Variants in IQCE observed in about 807,000 individuals in gnomAD.
The protein encoded by IQCE is IQ domain-containing protein E.
Under a neutral mutation model 96.0 loss-of-function variants are expected in IQCE, and 115 were observed. That is an observed-to-expected ratio of 1.20 (90% CI 1.03 to 1.40). The LOEUF is 1.40. Ranked by LOEUF, IQCE falls within the 40% of genes most tolerant of loss-of-function variation. The probability of loss-of-function intolerance (pLI) is 0.00; values close to 1 mark genes in which losing one functional copy is unlikely to be tolerated. For synonymous variants in IQCE, 412 were observed against 371.2 expected (o/e 1.11, Z -1.26); for missense variants, 1,041 against 909.1 (o/e 1.15, Z -1.87).
chr7:2,563,799 C>CTG (rs1781152602), intron 1 of IQCE, among the ~76,000 whole-genome samples: 1 of 143,404 alleles, frequency 7.0e-6, no homozygotes, highest in South Asian at 2.1e-4. Flanking sequence ...GAGGCTGAGG[C>CTG]AGGAGAATGG....
At chr7:2,583,941 ACCGAGCTGGGCGGCGGGGCG>A (rs1782893092) in intron 10 of IQCE, among the ~76,000 whole-genome samples, 5 of 19,728 alleles carry the variant, frequency 2.5e-4, no homozygotes, top group Middle Eastern at 0.019. Context: ...CGGGGCGGGC[ACCGAGCTGGGCGGCGGGGCG>A]GAGGGCGGGC....
intron 19 of IQCE, among the ~76,000 whole-genome samples, chr7:2,605,405 G>A (rs1218816963): frequency 3.3e-5 from 5 of 152,190 alleles, no homozygotes; most frequent in African/African-American, 1.2e-4. Context: ...TGGATCACAA[G>A]GTCAGGAGAT....
In IQCE at chr7:2,574,024, C is replaced by A. The variant is rs527982241; in HGVS notation, c.465+536C>A. Among the ~76,000 whole-genome samples the A allele has an allele frequency of 2.6e-5, 4 of 152,244 alleles. No individual in the cohort carries two copies. In the South Asian group the frequency reaches 8.3e-4, roughly 32 times the overall value. ...ACCAAGATTCAAGGTCACCTGCCTC[C>A]CAAGGCCAAGACTCTGTACTTCCCC... On this transcript the variant is annotated intron_variant, in intron 6 of 21. Coordinates refer to ENST00000402050, the MANE Select transcript of IQCE (RefSeq NM_152558.5).
In IQCE at chr7:2,593,259, C is replaced by G. The variant is rs141931932; in HGVS notation, c.1349+133C>G. The G allele has an allele frequency of 3.1e-5, 43 of 1,368,858 alleles. No homozygotes were observed. In the African/African-American group the frequency reaches 4.3e-4, roughly 14 times the overall value. 84.8% of individuals were successfully genotyped at this position (1,368,858 alleles called of 1,614,324 possible). A position where few individuals can be genotyped will look rare whatever the true frequency, so the allele number is the denominator to read the frequency against. ...AAGGCCACACCTCCTCACAGTCTTT[C>G]ATGGTTTTCTGTCACCCAGCCCGGG... On this transcript the variant is annotated intron_variant, in intron 15 of 21. Transcript: ENST00000402050.
intron 14 of IQCE, among the ~76,000 whole-genome samples, chr7:2,590,895 G>T (rs79269170): frequency 0.016 from 2,434 of 152,262 alleles, 60 homozygotes; most frequent in African/African-American, 0.054. Flanking sequence ...ATTTTATGCA[G>T]CATGGTCTTA....
intron 20 of IQCE, among the ~76,000 whole-genome samples, chr7:2,606,676 C>G (rs1228794031): frequency 3.3e-5 from 5 of 152,212 alleles, no homozygotes; most frequent in Non-Finnish European, 7.3e-5. Context: ...AAGGCCGCAT[C>G]TGCATCTCAT....
chr7:2,564,506 G>C (rs151116995), intron 1 of IQCE, among the ~76,000 whole-genome samples: 1,590 of 152,114 alleles, frequency 0.01, 19 homozygotes, highest in African/African-American at 0.036. Context: ...GCTGAGGCAG[G>C]AGAATCGCTT....
intron 12 of IQCE, 46 bp downstream of exon 12, chr7:2,586,417 GGGAATGGCA>G: frequency 6.4e-7 from 1 of 1,554,450 alleles, no homozygotes; most frequent in Non-Finnish European, 8.8e-7. Flanking sequence ...GGGAATGGCA[GGGAATGGCA>G]GGGCATGGCC....
intron 21 of IQCE, among the ~76,000 whole-genome samples, chr7:2,609,057 C>G (rs1446574391): frequency 6.6e-6 from 1 of 152,230 alleles, no homozygotes; most frequent in Non-Finnish European, 1.5e-5. Flanking sequence ...CAGCGACACT[C>G]AGGCTCCCCG....
chr7:2,573,108 A>C (rs1466432095), intron 5 of IQCE, among the ~76,000 whole-genome samples: 1 of 152,182 alleles, frequency 6.6e-6, no homozygotes, highest in Non-Finnish European at 1.5e-5. Flanking sequence ...TTTGCTATTT[A>C]AATCTGAACA....
intron 6 of IQCE, among the ~76,000 whole-genome samples, chr7:2,575,413 G>A (rs1174660473): frequency 6.6e-6 from 1 of 152,214 alleles, no homozygotes; most frequent in Non-Finnish European, 1.5e-5. Context: ...TGCTGACACC[G>A]CCCTAGCTGG....
intron 8 of IQCE, among the ~76,000 whole-genome samples, chr7:2,579,494 A>G (rs1562639855): frequency 6.6e-6 from 1 of 152,246 alleles, no homozygotes; most frequent in African/African-American, 2.4e-5. Context: ...AAAAAAAACT[A>G]TAAATCTCTA....
chr7:2,586,323 G>T lies in IQCE; in HGVS notation c.940G>T (p.Asp314Tyr). The T allele has an allele frequency of 6.2e-7, 1 of 1,613,920 alleles. No homozygotes were observed. The highest frequency in any genetic ancestry group is 2.2e-5 in the East Asian group (1 of 44,888). Residue 314 changes from aspartate to tyrosine, a missense_variant, in exon 12 of 22, where the codon GAC becomes TAC. Coordinates refer to ENST00000402050, the MANE Select transcript of IQCE (RefSeq NM_152558.5). The part of the protein sequence containing the change: ...LTEENQSLKE[D>Y]LDRVLSTSPT... ...GGAAGAGAACCAGAGCCTGAAGGAG[G>T]ACCTGGACCGCGTGCTGAGCACCTC...
chr7:2,571,176 A>G (rs1781726572), intron 3 of IQCE, among the ~76,000 whole-genome samples: 3 of 151,882 alleles, frequency 2.0e-5, no homozygotes. Context: ...GAGCCACCAC[A>G]CCCAGCTAAT....
chr7:2,607,616 A>T (rs748981810), intron 21 of IQCE: 66 of 1,076,502 alleles, frequency 6.1e-5, no homozygotes, highest in Non-Finnish European at 7.3e-5. Flanking sequence ...GCACTGCAGG[A>T]TGCCACACCC....
chr7:2,595,421 G>C (rs112001001), intron 16 of IQCE, among the ~76,000 whole-genome samples: 3,040 of 152,268 alleles, frequency 0.02, 89 homozygotes, highest in African/African-American at 0.067. Flanking sequence ...GTGGGGTGGG[G>C]CTTCCTGTGC....
chr7:2,586,258 G>C lies in IQCE; in HGVS notation c.875G>C (p.Ser292Thr), dbSNP rs758125778. 6.2e-7 allele frequency: 1 copy of C among 1,614,034 alleles called. No homozygotes were observed. Among genetic ancestry groups the C allele is most frequent in the Non-Finnish European group, 8.5e-7 (1 of 1,179,954 alleles). Residue 292 changes from serine (S) to threonine (T), a missense_variant, in exon 12 of 22, where the codon AGT (serine) becomes ACT (threonine). Physicochemically the swap from Ser to Thr is moderately conservative, Grantham distance 58. Transcript: ENST00000402050. ...TGAKRQKKMG[S>T]ALLSLSRSVQ... is the part of the protein sequence containing the mutation. The stretch of plus-strand genomic sequence containing the variant: ...GCCAAAAGGCAGAAGAAGATGGGCA[G>C]TGCCCTCCTGAGCTTGTCCCGGAGT...
chr7:2,594,781 G>C, intron 15 of IQCE, 105 bp from the exon 16 acceptor site: 1 of 787,986 alleles, frequency 1.3e-6, no homozygotes, highest in Non-Finnish European at 2.3e-6. Context: ...AGGCTGCCTG[G>C]TGTCCCCCTG....
intron 18 of IQCE, among the ~76,000 whole-genome samples, chr7:2,604,570 T>C (rs1456847253): frequency 6.6e-6 from 1 of 152,138 alleles, no homozygotes; most frequent in Non-Finnish European, 1.5e-5. Context: ...AACCTAACCA[T>C]GTGTGAAATA....
Sources: gnomAD v4.1 joint callset for allele counts (sites outside exome capture counted in the v4.1 genomes callset) on GRCh38, gnomAD v4.1.1 for gene constraint, MANE v1.5 for transcripts, NCBI Gene and HGNC (gene_info 2026-07-23, HGNC 2026-07-21) for gene names.